The following SH3BP2 variants were observed in gnomAD, a reference collection of about 807,000 sequenced individuals.
The protein encoded by SH3BP2 is SH3 domain-binding protein 2.
SH3BP2 carries 38 observed loss-of-function variants against 56.2 expected under a neutral mutation model. The observed-to-expected ratio is 0.68, with a 90% confidence interval of 0.52 to 0.89. The LOEUF (loss-of-function observed/expected upper bound fraction) is 0.89, where lower values mean the gene tolerates loss of function less well. Among genes scored for constraint, SH3BP2 ranks in the 40% least tolerant of loss-of-function variants. The pLI is 0.00. For synonymous variants in SH3BP2, 346 were observed against 316.7 expected (o/e 1.09, Z -0.98); for missense variants, 748 against 762.6 (o/e 0.98, Z 0.23).
intron 1 of SH3BP2, among the ~76,000 whole-genome samples, chr4:2,806,833 G>A (rs77338717): frequency 0.044 from 6,758 of 152,362 alleles, 209 homozygotes; most frequent in Non-Finnish European, 0.066. Context: ...AAGGCCCAGT[G>A]GGGCATCCGG....
intron 8 of SH3BP2, among the ~76,000 whole-genome samples, chr4:2,830,911 A>T (rs574391901): frequency 1.3e-5 from 2 of 152,332 alleles, no homozygotes; most frequent in South Asian, 4.1e-4. Context: ...CACCTCTGAG[A>T]TGCCTGCTGC....
intron 1 of SH3BP2, among the ~76,000 whole-genome samples, chr4:2,800,335 C>T (rs1025222987): frequency 6.6e-6 from 1 of 152,140 alleles, no homozygotes; most frequent in Non-Finnish European, 1.5e-5. Context: ...CAAGTCACTC[C>T]TGAGGCTGTG....
chr4:2,825,886 C>T (rs533207109), intron 5 of SH3BP2, among the ~76,000 whole-genome samples: 5 of 152,328 alleles, frequency 3.3e-5, no homozygotes, highest in East Asian at 1.9e-4. Flanking sequence ...TGAGCTGGCC[C>T]GACGTGCAGC....
intron 1 of SH3BP2, chr4:2,818,998 A>G (rs1197988137): frequency 3.0e-6 from 2 of 662,642 alleles, no homozygotes; most frequent in Non-Finnish European, 3.7e-6. Context: ...GCAGTGGCCA[A>G]TCATAGCTTA....
rs1725143296 is a variant in SH3BP2 at position 2,833,985 on chromosome 4, A to G, written c.*151A>G. 1.1e-6 allele frequency: 1 copy of G among 930,814 alleles called. No homozygotes were observed. Among genetic ancestry groups the G allele is most frequent in the Non-Finnish European group, 1.6e-6 (1 of 636,254 alleles). The allele number at this position is 930,814 out of a possible 1,614,324, so 57.7% of individuals were successfully genotyped here. On this transcript the variant is annotated 3_prime_UTR_variant, in exon 13 of 13. Coordinates refer to ENST00000503393, the MANE Select transcript of SH3BP2 (RefSeq NM_001122681.2). The stretch of plus-strand genomic sequence containing the variant: ...GATGGACATCTCGTAGGACCCAGCC[A>G]GTCTCATCCAGCAGGTTGGGTTCTA...
intron 7 of SH3BP2, among the ~76,000 whole-genome samples, chr4:2,828,851 G>A (rs983470916): frequency 1.5e-4 from 23 of 152,212 alleles, no homozygotes; most frequent in African/African-American, 7.2e-5. Context: ...TTGCCAGCCC[G>A]TCCTCCAGGC....
At chr4:2,822,021 C>CTG (rs1456425804) in intron 2 of SH3BP2, among the ~76,000 whole-genome samples, 1 of 152,086 alleles carries the variant, frequency 6.6e-6, no homozygotes, top group Non-Finnish European at 1.5e-5. Context: ...GAGTGTGCCA[C>CTG]CACGCCCAGC....
rs78881844 is a variant in SH3BP2, at chr4:2,794,464, G to T, written c.-5+1326G>T. On this transcript the variant is annotated intron_variant, in intron 1 of 12. Transcript: ENST00000503393. ...CACTCCAGGCACTCCACTCCTGGCAGGACAGGAGGCCTGGGACGAGGGCTG... is the reference window on the plus strand; with the variant it reads ...CACTCCAGGCACTCCACTCCTGGCATGACAGGAGGCCTGGGACGAGGGCTG... 9.9e-3 allele frequency among the ~76,000 whole-genome samples: 1,501 copies of T among 152,312 alleles called. 31 individuals carry two copies. The highest frequency in any genetic ancestry group is 0.035 in the African/African-American group (1,438 of 41,572).
intron 1 of SH3BP2, among the ~76,000 whole-genome samples, chr4:2,806,272 G>C (rs1723530647): frequency 6.6e-6 from 1 of 152,194 alleles, no homozygotes. Flanking sequence ...GGCATAGGGT[G>C]CCCAGGCTGG....
chr4:2,832,897 A>G, intron 11 of SH3BP2, 93 bp from the exon 12 acceptor site: 1 of 1,287,424 alleles, frequency 7.8e-7, no homozygotes, highest in Non-Finnish European at 1.1e-6. Context: ...CCCAGCCTTG[A>G]TGGTTCTGCC....
intron 1 of SH3BP2, among the ~76,000 whole-genome samples, chr4:2,805,399 G>A (rs962226981): frequency 6.6e-6 from 1 of 152,192 alleles, no homozygotes; most frequent in African/African-American, 2.4e-5. Context: ...GGGGTCCCCC[G>A]AGATGGAAGA....
At chr4:2,795,416 C>G (rs1723027841) in intron 1 of SH3BP2, among the ~76,000 whole-genome samples, 1 of 151,222 alleles carries the variant, frequency 6.6e-6, no homozygotes. Context: ...TCTGTCCTCT[C>G]TTGACCTCAT....
chr4:2,830,614 C>T (rs1015548651), intron 8 of SH3BP2, among the ~76,000 whole-genome samples: 2 of 152,228 alleles, frequency 1.3e-5, no homozygotes, highest in African/African-American at 2.4e-5. Context: ...CCGCCTGCCT[C>T]GGCCTCTCAA....
chr4:2,800,574 C>T lies in SH3BP2; in HGVS notation c.-5+7436C>T, dbSNP rs1477917669. On this transcript the variant is annotated intron_variant, in intron 1 of 12. Transcript: ENST00000503393. Reference sequence around the variant, plus strand: ...GCCCCCCCCCCGGGCTGATGACGGGCCAGGTGGCACTTCACCTGGGGGCTC... The same window carrying T: ...GCCCCCCCCCCGGGCTGATGACGGGTCAGGTGGCACTTCACCTGGGGGCTC... Among the ~76,000 whole-genome samples the T allele has an allele frequency of 2.0e-5, 3 of 149,234 alleles. No individual in the cohort carries two copies. In the Admixed American group the frequency reaches 2.0e-4, roughly 10 times the overall value.
chr4:2,802,404 A>ATATG (rs1265150804), intron 1 of SH3BP2, among the ~76,000 whole-genome samples: 3 of 135,900 alleles, frequency 2.2e-5, no homozygotes, highest in Non-Finnish European at 4.7e-5. Context: ...AAAAAAATAT[A>ATATG]TGTGTGTGTG....
chr4:2,840,607 T>C lies in SH3BP2; in HGVS notation c.*6773T>C, dbSNP rs1044705298. On this transcript the variant is annotated 3_prime_UTR_variant, in exon 13 of 13. Transcript: ENST00000503393. The stretch of plus-strand genomic sequence containing the variant: ...GTCTTCATTATTATCAATTATGTAT[T>C]GAGATCTGATAAAGTAAGTCTTTTC... 4.6e-5 allele frequency: 7 copies of C among 152,232 alleles called. No individual in the cohort carries two copies. Among genetic ancestry groups the C allele is most frequent in the Non-Finnish European group, 8.8e-5 (6 of 68,046 alleles). The allele number at this position is 152,232 out of a possible 1,614,324, so 9.4% of individuals were successfully genotyped here.
chr4:2,827,206 G>A lies in SH3BP2; in HGVS notation c.429-24G>A, dbSNP rs558877031. 2.0e-5 allele frequency: 32 copies of A among 1,610,142 alleles called. No individual in the cohort carries two copies. The East Asian group carries it at 2.9e-4, about 15-fold the overall frequency. Reference sequence around the variant, plus strand: ...CTCCCAGGCCTGGTGCTCACCGTCCGCCCCAACGCACCCTGCATTGCAGCG... The same window carrying A: ...CTCCCAGGCCTGGTGCTCACCGTCCACCCCAACGCACCCTGCATTGCAGCG... On this transcript the variant is annotated intron_variant, in intron 5 of 12. Coordinates refer to ENST00000503393, the MANE Select transcript of SH3BP2 (RefSeq NM_001122681.2).
chr4:2,828,569 C>G (rs2108737259), intron 7 of SH3BP2, among the ~76,000 whole-genome samples: 1 of 152,330 alleles, frequency 6.6e-6, no homozygotes, highest in Non-Finnish European at 1.5e-5. Context: ...GTCCCTTCGC[C>G]CACACACTAC....
Position 2,832,987 on chromosome 4 carries a change from T to C in SH3BP2, c.1489-3T>C. 1 of 1,614,148 alleles carries C rather than the reference T, an allele frequency of 6.2e-7. No individual in the cohort carries two copies. ...CCGTCAGCCTCCCGCTTCCGTCCTG[T>C]AGGTCCTGGTTGTGTGGGACGAAAC... On this transcript the variant is annotated splice_polypyrimidine_tract_variant and splice_region_variant and intron_variant, in intron 11 of 12. Coordinates refer to ENST00000503393, the MANE Select transcript of SH3BP2 (RefSeq NM_001122681.2).
Sources: gnomAD v4.1 joint callset for allele counts (sites outside exome capture counted in the v4.1 genomes callset) on GRCh38, gnomAD v4.1.1 for gene constraint, MANE v1.5 for transcripts, NCBI Gene and HGNC (gene_info 2026-07-23, HGNC 2026-07-21) for gene names.